Variants in ROBO2 observed in about 807,000 individuals in gnomAD.
The protein encoded by ROBO2 is roundabout guidance receptor 2.
A neutral mutation model predicts 160.8 loss-of-function variants in ROBO2; 53 were observed. The ratio of observed to expected loss-of-function variants is 0.33; its 90% CI spans 0.26 to 0.41. The LOEUF is 0.41. Ranked by LOEUF, ROBO2 falls within the 10% of genes least tolerant of loss-of-function variation. The pLI, the probability that ROBO2 is intolerant of heterozygous loss-of-function variation, is 1.00. For missense variants in ROBO2, 1,577 were observed against 1,722.4 expected, an observed-to-expected ratio of 0.92 and a Z score of 1.49; for synonymous variants, 664 against 611.7, an observed-to-expected ratio of 1.09 and a Z score of -1.26.
At chr3:76,363,250 A>G (rs1029916201) in intron 2 of ROBO2, among the ~76,000 whole-genome samples, 1 of 151,918 alleles carries the variant, frequency 6.6e-6, no homozygotes, top group Admixed American at 6.6e-5. Flanking sequence ...GGGAATCAGT[A>G]TCACATTGAA....
intron 2 of ROBO2, among the ~76,000 whole-genome samples, chr3:75,940,225 C>T (rs561278196): frequency 8.2e-4 from 125 of 152,138 alleles, no homozygotes; most frequent in African/African-American, 2.5e-3. Context: ...AGACAAAAAA[C>T]GATTTAACGA....
chr3:77,580,418 T>A (rs2093885847), intron 16 of ROBO2, among the ~76,000 whole-genome samples: 3 of 152,156 alleles, frequency 2.0e-5, no homozygotes, highest in Admixed American at 2.0e-4. Flanking sequence ...GCCATTGAAA[T>A]ATAATAAAAA....
intron 2 of ROBO2, among the ~76,000 whole-genome samples, chr3:77,147,816 A>G (rs2077234120): frequency 6.6e-6 from 1 of 152,206 alleles, no homozygotes; most frequent in South Asian, 2.1e-4. Flanking sequence ...ACTCTAACAA[A>G]GGAAAGATGA....
intron 2 of ROBO2, among the ~76,000 whole-genome samples, chr3:76,220,760 C>A (rs558205556): frequency 2.6e-5 from 4 of 152,268 alleles, no homozygotes; most frequent in African/African-American, 7.2e-5. Flanking sequence ...CACACACACA[C>A]ACACACAGAC....
At chr3:76,745,799 TTTTA>T (rs199745180) in intron 2 of ROBO2, among the ~76,000 whole-genome samples, 100,746 of 143,030 alleles carry the variant, frequency 0.7, 35,723 homozygotes, top group Non-Finnish European at 0.75. Context: ...AAAAATTTAT[TTTTA>T]TTTATTTATT....
intron 2 of ROBO2, among the ~76,000 whole-genome samples, chr3:76,657,678 A>ATATATATGTGTATATATATT (rs1170068318): frequency 6.9e-5 from 3 of 43,516 alleles, no homozygotes; most frequent in African/African-American, 3.4e-4. Flanking sequence ...GTATATATAT[A>ATATATATGTGTATATATATT]CATATATGTG....
chr3:76,956,329 G>A (rs183721587), intron 2 of ROBO2, among the ~76,000 whole-genome samples: 4,710 of 152,096 alleles, frequency 0.031, 247 homozygotes, highest in African/African-American at 0.11. Context: ...AGGCCGAGGC[G>A]GGTGGATCAC....
chr3:77,610,778 A>G (rs1286019785), intron 21 of ROBO2, among the ~76,000 whole-genome samples: 3 of 149,188 alleles, frequency 2.0e-5, no homozygotes, highest in Admixed American at 6.7e-5. Flanking sequence ...GAAAATAAAT[A>G]TAATACAATG....
chr3:76,118,031 T>C (rs1050727896), intron 2 of ROBO2, among the ~76,000 whole-genome samples: 4 of 152,032 alleles, frequency 2.6e-5, no homozygotes, highest in Non-Finnish European at 5.9e-5. Context: ...CATTAGGAGA[T>C]ATACCTAATG....
intron 2 of ROBO2, among the ~76,000 whole-genome samples, chr3:76,381,533 T>C (rs981417149): frequency 4.6e-5 from 7 of 152,048 alleles, no homozygotes; most frequent in African/African-American, 1.7e-4. Flanking sequence ...GTATTTTTAA[T>C]AGAGATGGGG....
chr3:76,073,267 CTTTTTTTTTTTTTT>C (rs869307615), intron 2 of ROBO2, among the ~76,000 whole-genome samples: 630 of 57,390 alleles, frequency 0.011, 146 homozygotes, highest in Non-Finnish European at 0.013. Flanking sequence ...AATGAGTATT[CTTTTTTTTTTTTTT>C]TTTTTTTTTT....
intron 2 of ROBO2, among the ~76,000 whole-genome samples, chr3:76,094,310 G>A (rs1020180159): frequency 7.2e-5 from 11 of 152,238 alleles, no homozygotes; most frequent in Non-Finnish European, 1.5e-4. Flanking sequence ...CTCAGAAGCA[G>A]GAAGGAGACC....
chr3:76,136,511 TAAGGAA>T (rs2071434356), intron 2 of ROBO2, among the ~76,000 whole-genome samples: 2 of 152,072 alleles, frequency 1.3e-5, no homozygotes, highest in Non-Finnish European at 2.9e-5. Flanking sequence ...GGAAGTGTGA[TAAGGAA>T]AGAGAAATGT....
chr3:77,581,634 T>C (rs2093921618), intron 16 of ROBO2, among the ~76,000 whole-genome samples: 1 of 152,204 alleles, frequency 6.6e-6, no homozygotes, highest in African/African-American at 2.4e-5. Context: ...CTCAGAATAA[T>C]TTTTCTTTGT....
At chr3:77,552,138 A>T (rs927695432) in intron 8 of ROBO2, among the ~76,000 whole-genome samples, 1 of 152,176 alleles carries the variant, frequency 6.6e-6, no homozygotes, top group Non-Finnish European at 1.5e-5. Flanking sequence ...CTTTAAAAGA[A>T]TAAAAGATAA....
intron 2 of ROBO2, among the ~76,000 whole-genome samples, chr3:76,638,718 T>C (rs2090471484): frequency 6.6e-6 from 1 of 152,184 alleles, no homozygotes; most frequent in Non-Finnish European, 1.5e-5. Flanking sequence ...TTCTTTAGCT[T>C]ATCAGTAGCC....
chr3:75,926,659 G>A (rs1250037730), intron 1 of ROBO2, among the ~76,000 whole-genome samples: 1 of 152,122 alleles, frequency 6.6e-6, no homozygotes, highest in Non-Finnish European at 1.5e-5. Flanking sequence ...GGAACATTAG[G>A]TATCAGAGTT....
intron 2 of ROBO2, among the ~76,000 whole-genome samples, chr3:76,251,199 G>A (rs1056234329): frequency 1.3e-5 from 2 of 151,956 alleles, no homozygotes; most frequent in African/African-American, 4.8e-5. Flanking sequence ...TTTGTCATCA[G>A]GGTGCAAGAG....
intron 2 of ROBO2, among the ~76,000 whole-genome samples, chr3:76,287,561 A>G (rs769698208): frequency 4.6e-5 from 7 of 152,050 alleles, no homozygotes; most frequent in African/African-American, 7.3e-5. Context: ...CAGTCTCCCA[A>G]AGTGCCTGGA....
Sources: allele counts gnomAD v4.1 joint callset (sites outside exome capture counted in the v4.1 genomes callset), GRCh38; gene constraint gnomAD v4.1.1; transcripts MANE v1.5; gene names NCBI Gene and HGNC (gene_info 2026-07-23, HGNC 2026-07-21).